Variants in BACH2 observed in about 807,000 individuals in gnomAD.
BACH2 encodes the protein transcription regulator protein BACH2.
BACH2 carries 5 observed loss-of-function variants against 61.8 expected under a neutral mutation model. That is an observed-to-expected ratio of 0.08 (90% CI 0.04 to 0.17). BACH2 has a LOEUF of 0.17. Ranked by LOEUF, BACH2 falls within the 10% of genes least tolerant of loss-of-function variation. BACH2 has a pLI of 1.00. For missense variants in BACH2, 824 were observed against 1,091.1 expected, an observed-to-expected ratio of 0.76 and a Z score of 3.45; for synonymous variants, 446 against 440.1, an observed-to-expected ratio of 1.01 and a Z score of -0.17.
chr6:90,163,306 A>G (rs1767466714), intron 4 of BACH2, among the ~76,000 whole-genome samples: 1 of 152,208 alleles, frequency 6.6e-6, no homozygotes, highest in African/African-American at 2.4e-5. Flanking sequence ...TATAAGTGAA[A>G]ATAAGTCCTT....
At chr6:90,129,333 C>A (rs1266153035) in intron 4 of BACH2, among the ~76,000 whole-genome samples, 1 of 152,056 alleles carries the variant, frequency 6.6e-6, no homozygotes, top group East Asian at 1.9e-4. Context: ...TCACATATTT[C>A]TTTTTCTTCT....
At chr6:90,225,066 T>TAACAACAACAACAAC (rs749374458) in intron 3 of BACH2, among the ~76,000 whole-genome samples, 24 of 151,422 alleles carry the variant, frequency 1.6e-4, no homozygotes, top group African/African-American at 5.3e-4. Context: ...AAATACATCA[T>TAACAACAACAACAAC]AACAACAACA....
Position 89,935,655 on chromosome 6 carries a change from T to C in BACH2, c.2043+2489A>G, listed in dbSNP as rs1772978785. ...TGGAGAACTAGATGATGCTCTAATTTGGTTTTTTGGTTGAAAAATGCTAGC... is the reference window on the plus strand; with the variant it reads ...TGGAGAACTAGATGATGCTCTAATTCGGTTTTTTGGTTGAAAAATGCTAGC... On this transcript the variant is annotated intron_variant, in intron 8 of 8. Coordinates refer to ENST00000257749, the MANE Select transcript of BACH2 (RefSeq NM_021813.4). Among the ~76,000 whole-genome samples, 4 of 152,246 alleles carry C rather than the reference T, an allele frequency of 2.6e-5. 1 individual carries two copies. The highest frequency in any genetic ancestry group is 2.6e-4 in the Admixed American group (4 of 15,290).
intron 1 of BACH2, among the ~76,000 whole-genome samples, chr6:90,280,387 G>A (rs1027754354): frequency 1.2e-4 from 18 of 152,078 alleles, no homozygotes; most frequent in Non-Finnish European, 2.5e-4. Flanking sequence ...CTTTGACATC[G>A]GGGGAAACTG....
intron 4 of BACH2, among the ~76,000 whole-genome samples, chr6:90,199,325 T>C (rs1582476305): frequency 2.6e-5 from 4 of 152,210 alleles, no homozygotes; most frequent in Admixed American, 2.0e-4. Flanking sequence ...CATAGTTCCA[T>C]AGTCAAGATG....
chr6:89,947,781 C>T (rs1009479377), intron 7 of BACH2, among the ~76,000 whole-genome samples: 9 of 151,954 alleles, frequency 5.9e-5, no homozygotes, highest in South Asian at 4.2e-4. Flanking sequence ...CCGTGTTAGC[C>T]AGGATGGTCT....
chr6:90,031,387 T>G (rs906425584), intron 5 of BACH2, among the ~76,000 whole-genome samples: 4 of 152,124 alleles, frequency 2.6e-5, no homozygotes, highest in Non-Finnish European at 5.9e-5. Flanking sequence ...TAAAGGGTAT[T>G]CAATTAGGAA....
At chr6:90,272,711 GC>G (rs1229757068) in intron 1 of BACH2, among the ~76,000 whole-genome samples, 1 of 152,004 alleles carries the variant, frequency 6.6e-6, no homozygotes, top group East Asian at 1.9e-4. Context: ...ATTCATCAAG[GC>G]CTCTTGATTT....
In BACH2 at chr6:89,930,939, A is replaced by G. The variant is rs553775656; in HGVS notation, c.*1469T>C. ...TGCCAGGATGCCCTGCTCTCTCCCA[A>G]TGGGGTGAAGGCAGGACCTTCGGGG... On this transcript the variant is annotated 3_prime_UTR_variant, in exon 9 of 9. Coordinates refer to ENST00000257749, the MANE Select transcript of BACH2 (RefSeq NM_021813.4). The G allele has an allele frequency of 1.1e-4, 17 of 152,106 alleles. No homozygotes were observed. Among genetic ancestry groups the G allele is most frequent in the African/African-American group, 1.7e-4 (7 of 41,420 alleles). 9.4% of individuals were successfully genotyped at this position (152,106 alleles called of 1,614,324 possible).
chr6:90,192,822 T>C (rs1191819391), intron 4 of BACH2, among the ~76,000 whole-genome samples: 4 of 152,250 alleles, frequency 2.6e-5, no homozygotes, highest in Non-Finnish European at 5.9e-5. Flanking sequence ...CTCACTTACA[T>C]ATAAATCCTT....
chr6:90,115,429 CTA>C (rs766831122), intron 4 of BACH2, among the ~76,000 whole-genome samples: 16 of 152,084 alleles, frequency 1.1e-4, no homozygotes, highest in Non-Finnish European at 2.1e-4. Context: ...GAAAAAGACT[CTA>C]TTCAATAAAT....
At chr6:90,177,366 C>G (rs933735935) in intron 4 of BACH2, among the ~76,000 whole-genome samples, 1 of 152,192 alleles carries the variant, frequency 6.6e-6, no homozygotes, top group Non-Finnish European at 1.5e-5. Context: ...CTATTGAGCA[C>G]CTACCGTACA....
At chr6:90,095,789 C>G (rs1400392249) in intron 4 of BACH2, among the ~76,000 whole-genome samples, 1 of 151,722 alleles carries the variant, frequency 6.6e-6, no homozygotes, top group Non-Finnish European at 1.5e-5. Flanking sequence ...TCCACCACCA[C>G]CACCACTGCC....
intron 1 of BACH2, among the ~76,000 whole-genome samples, chr6:90,272,652 C>A (rs1771562541): frequency 6.6e-6 from 1 of 152,228 alleles, no homozygotes; most frequent in Non-Finnish European, 1.5e-5. Flanking sequence ...CAACCAAGCT[C>A]CAAATCTTAG....
chr6:90,014,386 A>T (rs1278191773), intron 5 of BACH2, among the ~76,000 whole-genome samples: 1 of 114,386 alleles, frequency 8.7e-6, no homozygotes, highest in East Asian at 2.5e-4. Context: ...CTATAAATTC[A>T]TTTTTTTAAA....
At chr6:90,064,644 T>C (rs1358686540) in intron 5 of BACH2, among the ~76,000 whole-genome samples, 1 of 152,056 alleles carries the variant, frequency 6.6e-6, no homozygotes, top group African/African-American at 2.4e-5. Context: ...GTCCAGCTAA[T>C]AAGTGGGTAG....
At position 90,284,594 on chromosome 6, in the gene BACH2, C is replaced by T. The variant is rs11752752; in HGVS notation, c.-446+11886G>A. On this transcript the variant is annotated intron_variant, in intron 1 of 8. Transcript: ENST00000257749. ...CACAGCCCCGACAGGAGATGCTTAG[C>T]GCAGAGATTTCTAAACGATGAAATG... Among the ~76,000 whole-genome samples the T allele has an allele frequency of 4.5e-3, 690 of 152,222 alleles. 6 individuals carry two copies. Among genetic ancestry groups the T allele is most frequent in the Non-Finnish European group, 7.5e-3 (511 of 68,008 alleles).
intron 4 of BACH2, among the ~76,000 whole-genome samples, chr6:90,090,950 AC>A (rs1476917472): frequency 6.6e-6 from 1 of 152,172 alleles, no homozygotes; most frequent in African/African-American, 2.4e-5. Flanking sequence ...ATAATGGCTA[AC>A]CCTTATGCAT....
intron 6 of BACH2, among the ~76,000 whole-genome samples, chr6:89,959,097 GCACACACACACACA>G (rs60175244): frequency 0.07 from 9,378 of 134,400 alleles, 416 homozygotes; most frequent in East Asian, 0.19. Flanking sequence ...ATGCACAAGT[GCACACACACACACA>G]CACACACACA....
Sources: allele counts gnomAD v4.1 joint callset (sites outside exome capture counted in the v4.1 genomes callset), GRCh38; gene constraint gnomAD v4.1.1; transcripts MANE v1.5; gene names NCBI Gene and HGNC (gene_info 2026-07-23, HGNC 2026-07-21).